NEURL1B: variants seen among roughly 807,000 people sequenced by gnomAD.
The protein encoded by NEURL1B is neuralized E3 ubiquitin protein ligase 1B, also known as E3 ubiquitin-protein ligase NEURL1B.
Under a neutral mutation model 37.4 loss-of-function variants are expected in NEURL1B, and 13 were observed. That is an observed-to-expected ratio of 0.35 (90% CI 0.23 to 0.55). The LOEUF is 0.55. NEURL1B is among the 20% of genes least tolerant of loss of function. The pLI is 0.89. For missense variants in NEURL1B, 790 were observed against 879.2 expected, an observed-to-expected ratio of 0.90 and a Z score of 1.28; for synonymous variants, 432 against 426.6, an observed-to-expected ratio of 1.01 and a Z score of -0.16.
intron 1 of NEURL1B, among the ~76,000 whole-genome samples, chr5:172,656,294 A>T (rs955028052): frequency 6.6e-6 from 1 of 152,214 alleles, no homozygotes; most frequent in African/African-American, 2.4e-5. Flanking sequence ...GATCAGAATG[A>T]GTTAGGGTGG....
chr5:172,666,822 A>C (rs1170752053), intron 1 of NEURL1B, among the ~76,000 whole-genome samples: 1 of 152,084 alleles, frequency 6.6e-6, no homozygotes, highest in Non-Finnish European at 1.5e-5. Context: ...TCCCTGCATC[A>C]GGGGAGGCCT....
rs1758207018 is a variant in NEURL1B at position 172,675,079 on chromosome 5, G to C, written c.577+4749G>C. ...AAGATGGGGTTTCTACTGGGTACCT[G>C]TTGGTCAGGTTGGTCTCGAACTCCT... On this transcript the variant is annotated intron_variant, in intron 2 of 4. Coordinates refer to ENST00000369800, the MANE Select transcript of NEURL1B (RefSeq NM_001142651.3). This position sits in a 1 kb window ranked among gnomAD's most constrained non-coding sequence, Gnocchi z 4.7. 1.3e-5 allele frequency among the ~76,000 whole-genome samples: 2 copies of C among 152,114 alleles called. No homozygotes were observed. The highest frequency in any genetic ancestry group is 2.4e-5 in the African/African-American group (1 of 41,416).
chr5:172,667,275 TAAAA>T (rs55663413), intron 1 of NEURL1B, among the ~76,000 whole-genome samples: 13 of 72,302 alleles, frequency 1.8e-4, no homozygotes, highest in Non-Finnish European at 2.8e-4. Flanking sequence ...CTGTCTCTAC[TAAAA>T]AAAAAAAAAA....
chr5:172,669,820 C>T lies in NEURL1B; in HGVS notation c.67C>T (p.Pro23Ser). Residue 23 changes from proline (P) to serine (S), a missense_variant, in exon 2 of 5, where the codon CCG (proline) becomes TCG (serine). Pro to Ser is a moderately conservative substitution (Grantham distance 74, BLOSUM62 -1). This residue lies in a region of NEURL1B where 215 missense variants were observed against 309.2 expected (regional missense o/e 0.70). Coordinates refer to ENST00000369800, the MANE Select transcript of NEURL1B (RefSeq NM_001142651.3). ...ACCGGCGCGCCTCCTGGCCACCCGG[C>T]CGTGCTGCGGCCCCGGCCCCGAGCG... ...SPPARLLATR[P>S]CCGPGPERRP... 1 of 1,306,788 alleles carries T rather than the reference C, an allele frequency of 7.7e-7. No individual in the cohort carries two copies. Among genetic ancestry groups the T allele is most frequent in the Non-Finnish European group, 9.8e-7 (1 of 1,021,566 alleles). The allele number at this position is 1,306,788 out of a possible 1,614,324, so 80.9% of individuals were successfully genotyped here.
At chr5:172,679,096 T>G (rs970932517) in intron 2 of NEURL1B, among the ~76,000 whole-genome samples, 1 of 152,202 alleles carries the variant, frequency 6.6e-6, no homozygotes, top group Non-Finnish European at 1.5e-5. Flanking sequence ...AGACTGAAAC[T>G]CCAACTTTGG....
At position 172,684,013 on chromosome 5, in the gene NEURL1B, G is replaced by A; in HGVS notation, c.1172G>A (p.Gly391Asp). ...GCGCTCAGCTTCACGCTGCGGCCCG[G>A]CGGCGACGTGCTCCTGGGCATCAAC... ...GDALSFTLRPGGDVLLGINGR... is the reference protein window; with the variant it reads ...GDALSFTLRPDGDVLLGINGR... The change falls in exon 3 of 5, where the codon GGC becomes GAC. Residue 391 changes from glycine to aspartate, a missense_variant. This residue lies in a region of NEURL1B where 460 missense variants were observed against 407.4 expected (regional missense o/e 1.13). Coordinates refer to ENST00000369800, the MANE Select transcript of NEURL1B (RefSeq NM_001142651.3). The A allele has an allele frequency of 1.5e-6, 2 of 1,335,770 alleles. No homozygotes were observed. Among genetic ancestry groups the A allele is most frequent in the African/African-American group, 1.5e-5 (1 of 64,750 alleles). 82.7% of individuals were successfully genotyped at this position (1,335,770 alleles called of 1,614,324 possible).
chr5:172,687,369 A>C lies in NEURL1B; in HGVS notation c.*444A>C. On this transcript the variant is annotated 3_prime_UTR_variant, in exon 5 of 5. Transcript: ENST00000369800. ...TCCCGGCTCCGGGAGGAGACGTGCA[A>C]TCCGGAGCCCCGACATTGGCATGAC... 6.0e-6 allele frequency: 1 copy of C among 165,382 alleles called. No homozygotes were observed. The highest frequency in any genetic ancestry group is 1.3e-5 in the Non-Finnish European group (1 of 75,594). The allele number at this position is 165,382 out of a possible 1,614,324, so 10.2% of individuals were successfully genotyped here.
chr5:172,691,423 T>C lies in NEURL1B; in HGVS notation c.*4498T>C, dbSNP rs1265625527. 1 of 152,190 alleles carries C rather than the reference T, an allele frequency of 6.6e-6. No individual in the cohort carries two copies. The highest frequency in any genetic ancestry group is 6.5e-5 in the Admixed American group (1 of 15,276). The allele number at this position is 152,190 out of a possible 1,614,324, so 9.4% of individuals were successfully genotyped here. ...GTGGGTTGGGAAGGGTTTGCACTGGTCTTGAGTGTTGTGCTTTTCTGTGTT... is the reference window on the plus strand; with the variant it reads ...GTGGGTTGGGAAGGGTTTGCACTGGCCTTGAGTGTTGTGCTTTTCTGTGTT... On this transcript the variant is annotated 3_prime_UTR_variant, in exon 5 of 5. Transcript: ENST00000369800.
At chr5:172,660,062 C>G (rs957787766) in intron 1 of NEURL1B, among the ~76,000 whole-genome samples, 50 of 152,308 alleles carry the variant, frequency 3.3e-4, no homozygotes, top group Admixed American at 9.1e-4. Flanking sequence ...CGGGCCCTGG[C>G]CCAGAGCAGA....
At chr5:172,681,396 T>C (rs953683592) in intron 2 of NEURL1B, among the ~76,000 whole-genome samples, 1 of 152,248 alleles carries the variant, frequency 6.6e-6, no homozygotes, top group African/African-American at 2.4e-5. Context: ...CAGACAGATG[T>C]AGACAAATGC....
At chr5:172,679,891 C>T (rs913238281) in intron 2 of NEURL1B, among the ~76,000 whole-genome samples, 2 of 152,174 alleles carry the variant, frequency 1.3e-5, no homozygotes, top group African/African-American at 2.4e-5. Flanking sequence ...AGCTCTGTCA[C>T]TCCCCAGCTG....
Position 172,665,086 on chromosome 5 carries a change from AGAGAT to A in NEURL1B, c.32-4695_32-4691del, listed in dbSNP as rs1757984879. Among the ~76,000 whole-genome samples the A allele has an allele frequency of 6.6e-6, 1 of 152,248 alleles. No homozygotes were observed. Among genetic ancestry groups the A allele is most frequent in the Non-Finnish European group, 1.5e-5 (1 of 68,052 alleles). ...CTTCTGTAAAGAAACTCTCTGACTG[AGAGAT>A]GAGGTCGGAAAACAACAGTGATGGG... On this transcript the variant is annotated intron_variant, in intron 1 of 4. Coordinates refer to ENST00000369800, the MANE Select transcript of NEURL1B (RefSeq NM_001142651.3). This position sits in a 1 kb window ranked among gnomAD's most constrained non-coding sequence, Gnocchi z 4.1.
At chr5:172,677,190 G>T (rs1483300357) in intron 2 of NEURL1B, among the ~76,000 whole-genome samples, 1 of 152,128 alleles carries the variant, frequency 6.6e-6, no homozygotes, top group African/African-American at 2.4e-5. Context: ...TAGCTTTGCG[G>T]TTAATGTTCT....
chr5:172,685,637 G>A (rs1758476980), intron 3 of NEURL1B, among the ~76,000 whole-genome samples: 1 of 152,230 alleles, frequency 6.6e-6, no homozygotes, highest in African/African-American at 2.4e-5. Flanking sequence ...GCTGGATCTA[G>A]GTACTGGAAG....
chr5:172,650,561 C>T (rs1387321396), intron 1 of NEURL1B, among the ~76,000 whole-genome samples: 1 of 152,196 alleles, frequency 6.6e-6, no homozygotes, highest in Non-Finnish European at 1.5e-5. Context: ...CTCAGTTCCA[C>T]TGTCTCTAAG....
chr5:172,670,944 C>T (rs889653416), intron 2 of NEURL1B, among the ~76,000 whole-genome samples: 6 of 152,100 alleles, frequency 3.9e-5, no homozygotes, highest in Non-Finnish European at 8.8e-5. Flanking sequence ...AGGTGTGAGC[C>T]CGATTCTCAC....
Position 172,686,326 on chromosome 5 carries a change from G to A in NEURL1B, c.1423+30G>A. On this transcript the variant is annotated intron_variant, in intron 4 of 4. Coordinates refer to ENST00000369800, the MANE Select transcript of NEURL1B (RefSeq NM_001142651.3). The surrounding 1 kb of genome is among the most constrained non-coding windows in gnomAD (Gnocchi z 7.9). The stretch of plus-strand genomic sequence containing the variant: ...GGAAATGCAAACCCTGGCAGGGGCA[G>A]GGGCTGGCGGCTGGCCTGGCTCCTC... 6.5e-7 allele frequency: 1 copy of A among 1,549,840 alleles called. No individual in the cohort carries two copies. Among genetic ancestry groups the A allele is most frequent in the Non-Finnish European group, 8.7e-7 (1 of 1,145,940 alleles).
chr5:172,676,092 G>C lies in NEURL1B; in HGVS notation c.577+5762G>C, dbSNP rs745871407. Among the ~76,000 whole-genome samples the C allele has an allele frequency of 6.7e-6, 1 of 150,128 alleles. No individual in the cohort carries two copies. Among genetic ancestry groups the C allele is most frequent in the Non-Finnish European group, 1.5e-5 (1 of 67,770 alleles). On this transcript the variant is annotated intron_variant, in intron 2 of 4. Coordinates refer to ENST00000369800, the MANE Select transcript of NEURL1B (RefSeq NM_001142651.3). The surrounding 1 kb of genome is among the most constrained non-coding windows in gnomAD (Gnocchi z 4.5). ...GCCAGTCGGGGGTCATGGCATAGCA[G>C]ACCATATTGTCAGAAATCTTTGGTT...
intron 2 of NEURL1B, among the ~76,000 whole-genome samples, chr5:172,680,627 G>C (rs978844907): frequency 2.6e-5 from 4 of 152,032 alleles, no homozygotes; most frequent in Admixed American, 2.6e-4. Flanking sequence ...ATGTTCATTA[G>C]AGAAAAAGAG....
Sources: gnomAD v4.1 joint callset for allele counts (sites outside exome capture counted in the v4.1 genomes callset) on GRCh38, gnomAD v4.1.1 for gene constraint, gnomAD v4.1.1 regional missense constraint, Gnocchi (gnomAD v3.1) non-coding constraint, MANE v1.5 for transcripts, NCBI Gene and HGNC (gene_info 2026-07-23, HGNC 2026-07-21) for gene names.